The following CNTN1 variants were observed in gnomAD, a reference collection of about 807,000 sequenced individuals.
CNTN1 encodes contactin 1.
CNTN1 carries 38 observed loss-of-function variants against 126.4 expected under a neutral mutation model. The ratio of observed to expected loss-of-function variants is 0.30; its 90% CI spans 0.23 to 0.39. The LOEUF (loss-of-function observed/expected upper bound fraction) is 0.39, where lower values mean the gene tolerates loss of function less well. Among genes scored for constraint, CNTN1 ranks in the 10% least tolerant of loss-of-function variants. The probability of loss-of-function intolerance (pLI) is 1.00; values close to 1 mark genes in which losing one functional copy is unlikely to be tolerated. For synonymous variants in CNTN1, 413 were observed against 422.6 expected (o/e 0.98, Z 0.28); for missense variants, 1,009 against 1,248.4 (o/e 0.81, Z 2.89).
intron 1 of CNTN1, among the ~76,000 whole-genome samples, chr12:40,700,537 A>T (rs982864244): frequency 2.6e-5 from 4 of 152,174 alleles, no homozygotes; most frequent in Admixed American, 6.5e-5. Context: ...AAATAAAAAA[A>T]AAAATAAAAA....
At chr12:40,887,038 C>G (rs1272340267) in intron 1 of CNTN1, among the ~76,000 whole-genome samples, 1 of 152,166 alleles carries the variant, frequency 6.6e-6, no homozygotes, top group African/African-American at 2.4e-5. Flanking sequence ...TTAGGATTGA[C>G]TTGGCAATGC....
chr12:40,773,321 T>G (rs932168056), intron 1 of CNTN1, among the ~76,000 whole-genome samples: 2 of 151,738 alleles, frequency 1.3e-5, no homozygotes, highest in Non-Finnish European at 3.0e-5. Context: ...TAGAAAACGA[T>G]AGTTAAGTCG....
At chr12:40,884,106 G>A (rs1312956790) in intron 1 of CNTN1, among the ~76,000 whole-genome samples, 1 of 151,434 alleles carries the variant, frequency 6.6e-6, no homozygotes, top group Non-Finnish European at 1.5e-5. Flanking sequence ...GTTGTTATAG[G>A]TTTGTTCTGA....
intron 1 of CNTN1, among the ~76,000 whole-genome samples, chr12:40,773,319 G>T (rs570443637): frequency 6.6e-6 from 1 of 151,720 alleles, no homozygotes; most frequent in African/African-American, 2.4e-5. Flanking sequence ...TTTAGAAAAC[G>T]ATAGTTAAGT....
chr12:40,843,090 C>A (rs1420089993), intron 1 of CNTN1, among the ~76,000 whole-genome samples: 3 of 152,160 alleles, frequency 2.0e-5, no homozygotes, highest in Non-Finnish European at 4.4e-5. Context: ...TGAATACGGG[C>A]TTCATTTCCA....
intron 1 of CNTN1, among the ~76,000 whole-genome samples, chr12:40,821,752 T>C (rs61381793): frequency 0.022 from 3,416 of 152,170 alleles, 124 homozygotes; most frequent in African/African-American, 0.078. Flanking sequence ...TTTTCTTTAA[T>C]TGAATCTCTT....
chr12:40,933,892 T>G lies in CNTN1; in HGVS notation c.985+14T>G. The G allele has an allele frequency of 6.3e-7, 1 of 1,596,496 alleles. No individual in the cohort carries two copies. The highest frequency in any genetic ancestry group is 8.6e-7 in the Non-Finnish European group (1 of 1,165,270). ...TTTATGTTCAAGGTAGATACATTAT[T>G]TTAATTTTGTATAAATTTCATCAGT... is the stretch of plus-strand genomic sequence containing the variant. On this transcript the variant is annotated intron_variant, in intron 9 of 23. Coordinates refer to ENST00000551295, the MANE Select transcript of CNTN1 (RefSeq NM_001843.4).
Position 41,071,110 on chromosome 12 carries a change from T to A in CNTN1, c.*1075T>A, listed in dbSNP as rs1454759169. On this transcript the variant is annotated 3_prime_UTR_variant, in exon 24 of 24. Transcript: ENST00000551295. ...ATAATAATAATAATAATAATTAGTTTTAAGCTCATTTCCCACTTCAATGCA... is the reference window on the plus strand; with the variant it reads ...ATAATAATAATAATAATAATTAGTTATAAGCTCATTTCCCACTTCAATGCA... 1.3e-5 allele frequency: 2 copies of A among 151,034 alleles called. No homozygotes were observed. Among genetic ancestry groups the A allele is most frequent in the African/African-American group, 2.4e-5 (1 of 41,132 alleles). 9.4% of individuals were successfully genotyped at this position (151,034 alleles called of 1,614,324 possible). A position where few individuals can be genotyped will look rare whatever the true frequency, so the allele number is the denominator to read the frequency against.
chr12:40,716,745 G>A (rs756855794), intron 1 of CNTN1, among the ~76,000 whole-genome samples: 3 of 152,192 alleles, frequency 2.0e-5, no homozygotes, highest in Non-Finnish European at 4.4e-5. Flanking sequence ...TAGTTACAGG[G>A]ACAAGATGAG....
intron 23 of CNTN1, among the ~76,000 whole-genome samples, chr12:41,049,394 G>C (rs987275760): frequency 6.6e-6 from 1 of 152,170 alleles, no homozygotes. Context: ...TTTTTCTGCA[G>C]TTTTACCCAT....
chr12:40,755,800 T>C (rs911846004), intron 1 of CNTN1, among the ~76,000 whole-genome samples: 3 of 151,958 alleles, frequency 2.0e-5, no homozygotes, highest in African/African-American at 7.3e-5. Context: ...TTTGATCTTG[T>C]AGAATACAGT....
chr12:40,766,804 G>A lies in CNTN1; in HGVS notation c.-77+74212G>A, dbSNP rs1412762066. ...ACCTGGAGACCAATCAGTTGGGTCT[G>A]AGGTCAGGCAAGGTTGTGACTGCCA... On this transcript the variant is annotated intron_variant, in intron 1 of 23. Transcript: ENST00000551295. Among the ~76,000 whole-genome samples the A allele has an allele frequency of 2.0e-5, 3 of 152,326 alleles. No homozygotes were observed. The East Asian group carries it at 5.8e-4, about 29-fold the overall frequency.
chr12:41,062,276 C>T (rs2121113090), intron 23 of CNTN1, among the ~76,000 whole-genome samples: 1 of 152,272 alleles, frequency 6.6e-6, no homozygotes, highest in South Asian at 2.1e-4. Flanking sequence ...TCTAAAAAGA[C>T]ACCTCCTTTG....
chr12:41,030,960 G>A (rs560674483), intron 23 of CNTN1, among the ~76,000 whole-genome samples: 16 of 152,204 alleles, frequency 1.1e-4, no homozygotes, highest in Admixed American at 9.8e-4. Flanking sequence ...GGGAAATATG[G>A]CCATTATTTC....
intron 18 of CNTN1, 121 bp downstream of exon 18, chr12:41,014,419 A>T: frequency 1.0e-6 from 1 of 993,158 alleles, no homozygotes; most frequent in East Asian, 2.6e-5. Context: ...GCAAGAATAT[A>T]TTACTATTTT....
chr12:40,937,223 C>G (rs578262727), intron 10 of CNTN1, among the ~76,000 whole-genome samples: 11 of 151,984 alleles, frequency 7.2e-5, no homozygotes, highest in African/African-American at 2.7e-4. Context: ...TTTCCTGTAC[C>G]CCACAGAGAC....
chr12:40,751,065 T>A (rs12367708), intron 1 of CNTN1, among the ~76,000 whole-genome samples: 31,013 of 151,928 alleles, frequency 0.2, 3,289 homozygotes, highest in Middle Eastern at 0.27. Context: ...CAAACAGCAA[T>A]GGCAATGACA....
In CNTN1 at chr12:40,720,616, C is replaced by T. The variant is rs17128676; in HGVS notation, c.-77+28024C>T. On this transcript the variant is annotated intron_variant, in intron 1 of 23. Coordinates refer to ENST00000551295, the MANE Select transcript of CNTN1 (RefSeq NM_001843.4). Reference sequence around the variant, plus strand: ...CTCCTTGAAAGTTTAATAATCATAACAATTTTTTGTGTAATTAAAATATAT... The same window carrying T: ...CTCCTTGAAAGTTTAATAATCATAATAATTTTTTGTGTAATTAAAATATAT... Among the ~76,000 whole-genome samples, 262 of 152,162 alleles carry T rather than the reference C, an allele frequency of 1.7e-3. 2 individuals are homozygous for T. In the East Asian group the frequency reaches 0.021, roughly 12 times the overall value.
At chr12:40,757,916 A>G (rs770695158) in intron 1 of CNTN1, among the ~76,000 whole-genome samples, 9 of 152,144 alleles carry the variant, frequency 5.9e-5, no homozygotes, top group Non-Finnish European at 1.3e-4. Flanking sequence ...GGTAATTAAC[A>G]TGCTATTTAG....
Sources: allele counts gnomAD v4.1 joint callset (sites outside exome capture counted in the v4.1 genomes callset), GRCh38; gene constraint gnomAD v4.1.1; transcripts MANE v1.5; gene names NCBI Gene and HGNC (gene_info 2026-07-23, HGNC 2026-07-21).